The following CREB3L2 variants were observed in gnomAD, a reference collection of about 807,000 sequenced individuals.
The protein encoded by CREB3L2 is cyclic AMP-responsive element-binding protein 3-like protein 2.
A neutral mutation model predicts 57.2 loss-of-function variants in CREB3L2; 23 were observed. The ratio of observed to expected loss-of-function variants is 0.40; its 90% CI spans 0.29 to 0.57. CREB3L2 has a LOEUF of 0.57. Ranked by LOEUF, CREB3L2 falls within the 20% of genes least tolerant of loss-of-function variation. The probability of loss-of-function intolerance (pLI) is 0.42; values close to 1 mark genes in which losing one functional copy is unlikely to be tolerated. For missense variants in CREB3L2, 628 were observed against 634.7 expected (o/e 0.99, Z 0.11); for synonymous variants, 268 against 265.1 (o/e 1.01, Z -0.11).
At chr7:137,998,994 CA>C in intron 1 of CREB3L2, among the ~76,000 whole-genome samples, 1 of 152,286 alleles carries the variant, frequency 6.6e-6, no homozygotes, top group South Asian at 2.1e-4. Flanking sequence ...AGGCTCTCTT[CA>C]ACTTGGAAAG....
intron 8 of CREB3L2, among the ~76,000 whole-genome samples, chr7:137,895,655 A>C: frequency 6.6e-6 from 1 of 151,860 alleles, no homozygotes; most frequent in Non-Finnish European, 1.5e-5. Context: ...AAAAAAAAAG[A>C]AAGAAAACCA....
chr7:137,897,413 A>G (rs957321959), intron 8 of CREB3L2, among the ~76,000 whole-genome samples: 1 of 152,198 alleles, frequency 6.6e-6, no homozygotes, highest in African/African-American at 2.4e-5. Flanking sequence ...TCTGTCGCCC[A>G]GGCTGGAGTG....
chr7:137,917,125 T>C lies in CREB3L2; in HGVS notation c.320-1113A>G, dbSNP rs1019069538. 2.6e-5 allele frequency among the ~76,000 whole-genome samples: 4 copies of C among 152,208 alleles called. No homozygotes were observed. In the East Asian group the frequency reaches 5.8e-4, roughly 22 times the overall value. On this transcript the variant is annotated intron_variant, in intron 2 of 11. Transcript: ENST00000330387. ...AAAATACTCTTCCTGAGAAAACAGC[T>C]GCATCTTGGTGAGTCTGGGTCTTGT...
intron 2 of CREB3L2, among the ~76,000 whole-genome samples, chr7:137,922,334 A>G (rs992320326): frequency 2.1e-5 from 3 of 145,216 alleles, no homozygotes; most frequent in African/African-American, 7.8e-5. Flanking sequence ...AAACTCCTAA[A>G]TTGATTGGGA....
At chr7:137,951,397 A>C (rs1317493280) in intron 1 of CREB3L2, among the ~76,000 whole-genome samples, 1 of 152,228 alleles carries the variant, frequency 6.6e-6, no homozygotes, top group African/African-American at 2.4e-5. Flanking sequence ...TTTAAACAGA[A>C]GCACACATAA....
At chr7:137,927,261 C>CGGAAAGGAAAGGAAA (rs71177929) in intron 2 of CREB3L2, among the ~76,000 whole-genome samples, 31 of 114,838 alleles carry the variant, frequency 2.7e-4, no homozygotes, top group African/African-American at 9.6e-4. Flanking sequence ...CGGAACAGAA[C>CGGAAAGGAAAGGAAA]GGAAAGGAAA....
chr7:137,956,761 T>C (rs1801221817), intron 1 of CREB3L2: 8 of 601,410 alleles, frequency 1.3e-5, no homozygotes, highest in South Asian at 1.1e-4. Context: ...ATTGCTAGCA[T>C]ACAGCATAAG....
At chr7:137,944,819 AAT>A (rs1279675572) in intron 1 of CREB3L2, among the ~76,000 whole-genome samples, 5 of 152,250 alleles carry the variant, frequency 3.3e-5, no homozygotes, top group South Asian at 2.1e-4. Flanking sequence ...TTTATATATC[AAT>A]GTCTTTTTAT....
intron 4 of CREB3L2, among the ~76,000 whole-genome samples, chr7:137,910,472 TG>T (rs1279930997): frequency 1.3e-5 from 2 of 152,162 alleles, no homozygotes; most frequent in African/African-American, 4.8e-5. Context: ...AGGGAAAATA[TG>T]CAGGTGCTTG....
Position 137,878,138 on chromosome 7 carries a change from G to A in CREB3L2, c.*2338C>T, listed in dbSNP as rs10266273. ...TGTTTGGAGGTCGAGAGAGAGTGAC[G>A]TCAAGCAAGCGTAGTAAGGGAGAAA... On this transcript the variant is annotated 3_prime_UTR_variant, in exon 12 of 12. Coordinates refer to ENST00000330387, the MANE Select transcript of CREB3L2 (RefSeq NM_194071.4). 3.0e-3 allele frequency: 687 copies of A among 230,754 alleles called. 6 individuals are homozygous for A. The highest frequency in any genetic ancestry group is 0.014 in the African/African-American group (623 of 45,310). The allele number at this position is 230,754 out of a possible 1,614,324, so 14.3% of individuals were successfully genotyped here.
chr7:137,998,730 C>T (rs1479456976), intron 1 of CREB3L2, among the ~76,000 whole-genome samples: 4 of 152,234 alleles, frequency 2.6e-5, no homozygotes, highest in African/African-American at 9.6e-5. Context: ...GACACAATGT[C>T]TTTCAGCAGG....
intron 1 of CREB3L2, among the ~76,000 whole-genome samples, chr7:137,947,105 T>C (rs1479359649): frequency 6.9e-6 from 1 of 145,754 alleles, no homozygotes; most frequent in Non-Finnish European, 1.5e-5. Flanking sequence ...TCTCTCTCGC[T>C]CTCTCTCTTC....
At chr7:137,937,153 G>A (rs1800801410) in intron 1 of CREB3L2, among the ~76,000 whole-genome samples, 1 of 152,176 alleles carries the variant, frequency 6.6e-6, no homozygotes, top group Admixed American at 6.5e-5. Context: ...CGGCAGGCAG[G>A]AGAAGAAGCC....
chr7:137,909,642 G>T (rs936340084), intron 4 of CREB3L2, among the ~76,000 whole-genome samples: 4 of 147,210 alleles, frequency 2.7e-5, no homozygotes, highest in Non-Finnish European at 6.1e-5. Context: ...GGAAGCCTCA[G>T]CACATCACCT....
rs1800047404 is a variant in CREB3L2 at position 137,912,980 on chromosome 7, G to A, written c.583+11C>T. 3 of 1,613,390 alleles carry A rather than the reference G, an allele frequency of 1.9e-6. No individual in the cohort carries two copies. The highest frequency in any genetic ancestry group is 2.5e-6 in the Non-Finnish European group (3 of 1,179,554). Reference sequence around the variant, plus strand: ...CCATAACCCAAAGGGACACAGGGAGGGCAGACAGACCTTCTTTAGGAGAGA... The same window carrying A: ...CCATAACCCAAAGGGACACAGGGAGAGCAGACAGACCTTCTTTAGGAGAGA... On this transcript the variant is annotated intron_variant, in intron 4 of 11. Transcript: ENST00000330387.
rs1046941994 is a variant in CREB3L2 at position 137,878,689 on chromosome 7, G to T, written c.*1787C>A. The T allele has an allele frequency of 3.8e-5, 9 of 233,886 alleles. No homozygotes were observed. The highest frequency in any genetic ancestry group is 7.6e-5 in the Non-Finnish European group (9 of 118,650). 14.5% of individuals were successfully genotyped at this position (233,886 alleles called of 1,614,324 possible). ...CCACTCACAGTGAGAAGATGAACTT[G>T]GCCGCTTTCCAGGCTGGAACCGTCT... On this transcript the variant is annotated 3_prime_UTR_variant, in exon 12 of 12. Transcript: ENST00000330387.
At chr7:137,891,224 C>A (rs1374083640) in intron 8 of CREB3L2, among the ~76,000 whole-genome samples, 2 of 152,140 alleles carry the variant, frequency 1.3e-5, no homozygotes, top group South Asian at 4.1e-4. Flanking sequence ...CAGCTGTCAG[C>A]CTTGCCCAAA....
chr7:137,906,466 C>T (rs907083467), intron 5 of CREB3L2, among the ~76,000 whole-genome samples: 7 of 152,222 alleles, frequency 4.6e-5, no homozygotes, highest in Admixed American at 3.3e-4. Context: ...ATTAATCAAA[C>T]AGAGTCCCTA....
intron 1 of CREB3L2, among the ~76,000 whole-genome samples, chr7:137,960,938 C>T (rs1801310979): frequency 1.3e-5 from 2 of 150,890 alleles, no homozygotes; most frequent in African/African-American, 4.9e-5. Flanking sequence ...CTCAGCCTCC[C>T]GAGTAGCTGA....
Sources: allele counts gnomAD v4.1 joint callset (sites outside exome capture counted in the v4.1 genomes callset), GRCh38; gene constraint gnomAD v4.1.1; transcripts MANE v1.5; gene names NCBI Gene and HGNC (gene_info 2026-07-23, HGNC 2026-07-21).